The following DEFB109B variants were observed in gnomAD, a reference collection of about 807,000 sequenced individuals.
DEFB109B encodes beta-defensin 109B.
chr8:7,319,153 T>C (rs1262829476), intron 1 of DEFB109B: 2 of 121,316 alleles, frequency 1.6e-5, no homozygotes, highest in African/African-American at 8.2e-5. Flanking sequence ...AAAAAATATA[T>C]AGATAGTTAT....
upstream of DEFB109B, among the ~76,000 whole-genome samples, chr8:7,309,912 T>C (rs1563236389): frequency 2.7e-5 from 2 of 73,348 alleles, no homozygotes; most frequent in Non-Finnish European, 5.1e-5. Context: ...TCAGGGATGG[T>C]CAAATTCTAT....
chr8:7,315,376 T>G (rs35996328), intron 1 of DEFB109B, among the ~76,000 whole-genome samples: 5,438 of 128,114 alleles, frequency 0.042, 463 homozygotes, highest in African/African-American at 0.14. Flanking sequence ...GTACATGCCT[T>G]TAGTCCCAGC....
chr8:7,315,667 G>C (rs1447924428), intron 1 of DEFB109B, among the ~76,000 whole-genome samples: 2 of 131,134 alleles, frequency 1.5e-5, no homozygotes, highest in Non-Finnish European at 3.0e-5. Flanking sequence ...AGGTTCACTT[G>C]TTTCCTTCTT....
chr8:7,310,762 ATTACCTTTAAAAT>A (rs1431297248), upstream of DEFB109B, among the ~76,000 whole-genome samples: 97 of 147,748 alleles, frequency 6.6e-4, 3 homozygotes, highest in African/African-American at 2.5e-3. Flanking sequence ...CCTTTTATAA[ATTACCTTTAAAAT>A]GTTTCCTTTT....
intron 1 of DEFB109B, among the ~76,000 whole-genome samples, chr8:7,315,473 T>G (rs1418223749): frequency 3.2e-5 from 4 of 123,712 alleles, no homozygotes; most frequent in Non-Finnish European, 4.6e-5. Flanking sequence ...CACTCTAGCC[T>G]GGGCGACAGA....
chr8:7,316,673 C>T (rs1802952773), intron 1 of DEFB109B, among the ~76,000 whole-genome samples: 3 of 143,974 alleles, frequency 2.1e-5, no homozygotes, highest in Admixed American at 2.0e-4. Flanking sequence ...GTTGCCGAGG[C>T]TGGAATGCAG....
In DEFB109B at chr8:7,316,876, C is replaced by T. The variant is rs1407880866; in HGVS notation, n.59-2870C>T. Among the ~76,000 whole-genome samples, 50 of 129,020 alleles carry T rather than the reference C, an allele frequency of 3.9e-4. No homozygotes were observed. The South Asian group carries it at 9.9e-3, about 26-fold the overall frequency. The allele number at this position is 129,020 out of a possible 152,430, so 84.6% of individuals were successfully genotyped here. On this transcript the variant is annotated intron_variant and non_coding_transcript_variant, in intron 1 of 1. Coordinates refer to ENST00000382656, the Ensembl canonical transcript of DEFB109B. ...CATGCTGTTCTTGAACTCCTGACCT[C>T]GTGATCCACCCGCCTCGGCCTCCCA... is the stretch of plus-strand genomic sequence containing the variant.
intron 1 of DEFB109B, 105 bp from the exon 2 acceptor site, chr8:7,319,641 C>T (rs1453511481): frequency 2.1e-5 from 3 of 144,388 alleles, no homozygotes; most frequent in African/African-American, 6.0e-5. Context: ...TCAAGAGCTC[C>T]CACATAAAAA....
rs1436691821 is a variant in DEFB109B at position 7,313,669 on chromosome 8, T to C, written n.58+766T>C. Among the ~76,000 whole-genome samples the C allele has an allele frequency of 2.8e-5, 4 of 142,922 alleles. 1 individual carries two copies. Among genetic ancestry groups the C allele is most frequent in the African/African-American group, 1.2e-4 (4 of 32,966 alleles). 93.8% of individuals were successfully genotyped at this position (142,922 alleles called of 152,430 possible). ...CAAAAATGGCTAAAATTTACTGGGCTAAGCATGCATTTTGGGGGCTTTTGG... is the reference window on the plus strand; with the variant it reads ...CAAAAATGGCTAAAATTTACTGGGCCAAGCATGCATTTTGGGGGCTTTTGG... On this transcript the variant is annotated intron_variant and non_coding_transcript_variant, in intron 1 of 1. Coordinates refer to ENST00000382656, the Ensembl canonical transcript of DEFB109B.
At chr8:7,316,792 A>AATATATATAT (rs1316201242) in intron 1 of DEFB109B, among the ~76,000 whole-genome samples, 21 of 125,436 alleles carry the variant, frequency 1.7e-4, no homozygotes, top group African/African-American at 8.3e-4. Flanking sequence ...ATCTTCAGCT[A>AATATATATAT]ATATATATAT....
chr8:7,309,645 T>G (rs1802498827), upstream of DEFB109B, among the ~76,000 whole-genome samples: 1 of 148,242 alleles, frequency 6.7e-6, no homozygotes. Context: ...ATAAGACCCC[T>G]TGAACAGACA....
At chr8:7,310,075 A>G (rs1439006101), upstream of DEFB109B, among the ~76,000 whole-genome samples, 336 of 4,378 alleles carry the variant, frequency 0.077, no homozygotes, top group Non-Finnish European at 0.11. Context: ...CCTTCAAGTT[A>G]TAAAGATGAA....
chr8:7,313,532 G>A (rs1470102223), intron 1 of DEFB109B, among the ~76,000 whole-genome samples: 3 of 142,606 alleles, frequency 2.1e-5, no homozygotes, highest in African/African-American at 3.0e-5. Flanking sequence ...GTAGAAAGGA[G>A]AGTTAAAGGA....
At chr8:7,310,947 T>G (rs2128804546), upstream of DEFB109B, among the ~76,000 whole-genome samples, 1 of 71,070 alleles carries the variant, frequency 1.4e-5, no homozygotes, top group Middle Eastern at 4.8e-3. Flanking sequence ...TATGGGTCTA[T>G]TTTTCCTGTT....
At chr8:7,315,861 T>C (rs941708730) in intron 1 of DEFB109B, among the ~76,000 whole-genome samples, 2 of 139,916 alleles carry the variant, frequency 1.4e-5, no homozygotes, top group Non-Finnish European at 3.0e-5. Context: ...TTATCCAGCT[T>C]ATTCTTTTGT....
intron 1 of DEFB109B, among the ~76,000 whole-genome samples, chr8:7,315,598 G>C (rs1738830371): frequency 7.6e-6 from 1 of 132,348 alleles, no homozygotes; most frequent in Non-Finnish European, 1.5e-5. Context: ...GAGTGTGTTT[G>C]GGCCCCTACT....
rs1224827765 is a variant in DEFB109B at position 7,319,218 on chromosome 8, C to A, written n.59-528C>A. Reference sequence around the variant, plus strand: ...CAAGGGACCATTTAAGAAACTATGGCAACACAGTGAAGCCAACAAAAAAAA... The same window carrying A: ...CAAGGGACCATTTAAGAAACTATGGAAACACAGTGAAGCCAACAAAAAAAA... On this transcript the variant is annotated intron_variant and non_coding_transcript_variant, in intron 1 of 1. Coordinates refer to ENST00000382656, the Ensembl canonical transcript of DEFB109B. 4.0e-5 allele frequency: 3 copies of A among 75,524 alleles called. 1 individual carries two copies. Among genetic ancestry groups the A allele is most frequent in the Admixed American group, 1.8e-4 (1 of 5,560 alleles). 4.7% of individuals were successfully genotyped at this position (75,524 alleles called of 1,614,324 possible).
chr8:7,316,831 C>T lies in DEFB109B; in HGVS notation n.59-2915C>T, dbSNP rs1585317615. Among the ~76,000 whole-genome samples, 3 of 130,344 alleles carry T rather than the reference C, an allele frequency of 2.3e-5. No individual in the cohort carries two copies. The East Asian group carries it at 6.0e-4, about 26-fold the overall frequency. The allele number at this position is 130,344 out of a possible 152,430, so 85.5% of individuals were successfully genotyped here. A position where few individuals can be genotyped will look rare whatever the true frequency, so the allele number is the denominator to read the frequency against. ...TATATACATTTTTTTTTAGTAGAGA[C>T]AAGTTTTCACCATCTTGGGCATGCT... On this transcript the variant is annotated intron_variant and non_coding_transcript_variant, in intron 1 of 1. Transcript: ENST00000382656.
chr8:7,315,190 C>A lies in DEFB109B; in HGVS notation n.58+2287C>A, dbSNP rs868065842. 4.3e-3 allele frequency among the ~76,000 whole-genome samples: 378 copies of A among 87,774 alleles called. 34 individuals carry two copies. Among genetic ancestry groups the A allele is most frequent in the African/African-American group, 0.034 (362 of 10,758 alleles). The allele number at this position is 87,774 out of a possible 152,430, so 57.6% of individuals were successfully genotyped here. A position where few individuals can be genotyped will look rare whatever the true frequency, so the allele number is the denominator to read the frequency against. On this transcript the variant is annotated intron_variant and non_coding_transcript_variant, in intron 1 of 1. Transcript: ENST00000382656. ...GTAGTTCTCCTGCTCTCCATCTGAT[C>A]TTACCTAGGAGCACACAAGATAGGT...
Sources: allele counts gnomAD v4.1 joint callset (sites outside exome capture counted in the v4.1 genomes callset), GRCh38; gene constraint gnomAD v4.1.1; transcripts MANE v1.5; gene names NCBI Gene and HGNC (gene_info 2026-07-23, HGNC 2026-07-21).